The following ODAD4 variants were observed in gnomAD, a reference collection of about 807,000 sequenced individuals.
The protein encoded by ODAD4 is outer dynein arm-docking complex subunit 4.
A neutral mutation model predicts 51.8 loss-of-function variants in ODAD4; 49 were observed. The ratio of observed to expected loss-of-function variants is 0.95; its 90% CI spans 0.75 to 1.20. ODAD4 has a LOEUF of 1.20. ODAD4 is among the 50% of genes most tolerant of loss of function. The pLI is 0.00. For synonymous variants in ODAD4, 235 were observed against 221.3 expected (o/e 1.06, Z -0.55); for missense variants, 590 against 586.5 (o/e 1.01, Z -0.06).
intron 6 of ODAD4, 59 bp from the exon 7 acceptor site, chr17:41,938,906 T>C: frequency 6.3e-7 from 1 of 1,585,366 alleles, no homozygotes; most frequent in South Asian, 1.1e-5. Flanking sequence ...GAAGAGGAGT[T>C]ACCCTGTCAG....
chr17:41,955,382 T>C, intron 10 of ODAD4, 65 bp downstream of exon 10: 1 of 716,282 alleles, frequency 1.4e-6, no homozygotes, highest in South Asian at 1.5e-5. Flanking sequence ...GGCCTTCAGT[T>C]CCCCCTCAGC....
chr17:41,965,572 T>C lies in ODAD4; in HGVS notation c.*89T>C. 1.5e-6 allele frequency: 1 copy of C among 655,370 alleles called. No individual in the cohort carries two copies. Among genetic ancestry groups the C allele is most frequent in the Non-Finnish European group, 2.7e-6 (1 of 368,374 alleles). 40.6% of individuals were successfully genotyped at this position (655,370 alleles called of 1,614,324 possible). A position where few individuals can be genotyped will look rare whatever the true frequency, so the allele number is the denominator to read the frequency against. On this transcript the variant is annotated 3_prime_UTR_variant, in exon 12 of 12. Coordinates refer to ENST00000377540, the MANE Select transcript of ODAD4 (RefSeq NM_031421.5). Reference sequence around the variant, plus strand: ...CTGGATTTTCAAGCGATTTGTCTGTTATAGGAAAAATGAGGGTTTTACTTC... The same window carrying C: ...CTGGATTTTCAAGCGATTTGTCTGTCATAGGAAAAATGAGGGTTTTACTTC...
At position 41,965,653 on chromosome 17, in the gene ODAD4, CCT is replaced by C; in HGVS notation, c.*171_*172del. 1.7e-6 allele frequency: 1 copy of C among 580,808 alleles called. No individual in the cohort carries two copies. Among genetic ancestry groups the C allele is most frequent in the Non-Finnish European group, 3.0e-6 (1 of 330,000 alleles). 36.0% of individuals were successfully genotyped at this position (580,808 alleles called of 1,614,324 possible). On this transcript the variant is annotated 3_prime_UTR_variant, in exon 12 of 12. Coordinates refer to ENST00000377540, the MANE Select transcript of ODAD4 (RefSeq NM_031421.5). ...ATAGGTGTCTTTCACTCTTGCAAAC[CCT>C]GAGTCTGTCACTTTGCCTCTTCACC...
rs566732146 is a variant in ODAD4 at position 41,936,748 on chromosome 17, C to G, written c.460-14C>G. The stretch of plus-strand genomic sequence containing the variant: ...CTTGCTGAAGCTCTGTTGGGTGTTG[C>G]TCCATTTTCTCAGAATATAAAAGCC... On this transcript the variant is annotated splice_polypyrimidine_tract_variant and intron_variant, in intron 4 of 11. Transcript: ENST00000377540. 1.2e-6 allele frequency: 2 copies of G among 1,613,628 alleles called. No homozygotes were observed. The highest frequency in any genetic ancestry group is 8.5e-7 in the Non-Finnish European group (1 of 1,179,682).
chr17:41,941,480 C>T (rs782106689), intron 7 of ODAD4, among the ~76,000 whole-genome samples: 1 of 152,136 alleles, frequency 6.6e-6, no homozygotes, highest in African/African-American at 2.4e-5. Context: ...AAGCCTGCCT[C>T]CTAGCCTGAG....
chr17:41,939,970 C>T (rs1166762109), intron 7 of ODAD4, among the ~76,000 whole-genome samples: 1 of 152,184 alleles, frequency 6.6e-6, no homozygotes, highest in Non-Finnish European at 1.5e-5. Context: ...AGTACCTGTG[C>T]AGACCTTAGG....
At chr17:41,934,509 G>A (rs1259835559) in intron 1 of ODAD4, among the ~76,000 whole-genome samples, 2 of 151,224 alleles carry the variant, frequency 1.3e-5, no homozygotes, top group Non-Finnish European at 2.9e-5. Context: ...GGACCACCAC[G>A]CCCAGCTAAT....
chr17:41,939,408 A>G (rs951314701), intron 7 of ODAD4, among the ~76,000 whole-genome samples: 2 of 152,212 alleles, frequency 1.3e-5, no homozygotes, highest in Admixed American at 6.5e-5. Flanking sequence ...AAGCTACCCA[A>G]TGATCTGGCT....
chr17:41,961,953 C>T (rs1298552916), intron 11 of ODAD4, among the ~76,000 whole-genome samples: 1 of 152,170 alleles, frequency 6.6e-6, no homozygotes, highest in Admixed American at 6.5e-5. Context: ...GAGGAAAAAT[C>T]TTCTACCTCC....
intron 10 of ODAD4, among the ~76,000 whole-genome samples, chr17:41,956,227 T>G (rs539338962): frequency 7.2e-5 from 11 of 151,914 alleles, no homozygotes; most frequent in Admixed American, 2.6e-4. Context: ...TTTTGTATTT[T>G]TAGTAGAGAT....
intron 10 of ODAD4, among the ~76,000 whole-genome samples, chr17:41,956,037 C>T (rs1460991154): frequency 6.7e-6 from 1 of 148,476 alleles, no homozygotes; most frequent in African/African-American, 2.5e-5. Context: ...CACGTGTAAA[C>T]TGTACTTAGC....
Position 41,949,358 on chromosome 17 carries a change from T to A in ODAD4, c.1342+9T>A. On this transcript the variant is annotated intron_variant, in intron 9 of 11. Coordinates refer to ENST00000377540, the MANE Select transcript of ODAD4 (RefSeq NM_031421.5). ...GGTGGCCCAGGCACAAGGTATGGGC[T>A]CAGAGATGACCACCCTACCTTTTCC... The A allele has an allele frequency of 2.5e-6, 1 of 398,722 alleles. No individual in the cohort carries two copies. Among genetic ancestry groups the A allele is most frequent in the South Asian group, 1.3e-4 (1 of 7,856 alleles). 24.7% of individuals were successfully genotyped at this position (398,722 alleles called of 1,614,324 possible). A position where few individuals can be genotyped will look rare whatever the true frequency, so the allele number is the denominator to read the frequency against.
chr17:41,944,268 G>A (rs369229357), intron 7 of ODAD4, among the ~76,000 whole-genome samples: 1 of 152,072 alleles, frequency 6.6e-6, no homozygotes, highest in African/African-American at 2.4e-5. Flanking sequence ...AGTGGCTGAG[G>A]CATGAGAGTC....
chr17:41,934,837 T>A (rs1208375907), intron 1 of ODAD4, among the ~76,000 whole-genome samples: 2 of 152,090 alleles, frequency 1.3e-5, no homozygotes, highest in Non-Finnish European at 2.9e-5. Flanking sequence ...TGTAGTTGAG[T>A]TTGGTGTGCA....
chr17:41,936,704 G>A (rs1041125903), intron 4 of ODAD4, 58 bp from the exon 5 acceptor site: 26 of 1,599,682 alleles, frequency 1.6e-5, no homozygotes, highest in East Asian at 4.5e-5. Flanking sequence ...CTAGGGCCAT[G>A]GCTGGGTACA....
At chr17:41,953,069 A>G (rs1317205132) in intron 9 of ODAD4, among the ~76,000 whole-genome samples, 1 of 151,630 alleles carries the variant, frequency 6.6e-6, no homozygotes, top group African/African-American at 2.4e-5. Flanking sequence ...ATTTTATTTT[A>G]TTTATTTTTG....
intron 10 of ODAD4, 25 bp from the exon 11 acceptor site, chr17:41,961,357 G>T: frequency 1.4e-6 from 1 of 730,258 alleles, no homozygotes; most frequent in Non-Finnish European, 2.6e-6. Context: ...AAACACAGGG[G>T]CTAAGCTCCC....
rs782698479 is a variant in ODAD4 at position 41,930,822 on chromosome 17, G to A, written c.99G>A (p.Ala33=). Residue 33 remains alanine, a synonymous_variant, in exon 1 of 12, where the codon GCG becomes GCA. Transcript: ENST00000377540. ...TGTGCGGGGAATTTTCTAAAGCCGC[G>A]CAGAGCTTCAGCAACGTGAGTCGAG... ...LYLCGEFSKA[A]QSFSNALYLQ... is the part of the protein sequence containing the mutation. 2.5e-6 allele frequency: 4 copies of A among 1,577,766 alleles called. No homozygotes were observed. Among genetic ancestry groups the A allele is most frequent in the Middle Eastern group, 1.7e-4 (1 of 5,840 alleles).
chr17:41,935,621 C>T lies in ODAD4; in HGVS notation c.269C>T (p.Thr90Ile), dbSNP rs782074870. Residue 90 changes from threonine to isoleucine, a missense_variant, in exon 3 of 12, where the codon ACA (threonine) becomes ATA (isoleucine). Thr to Ile is a moderately conservative substitution (Grantham distance 89). Transcript: ENST00000377540. ...CAGGGGATTTTGCAAAAGGCTGAGA[C>T]ACTGTACACCATGGGAGACTTTGAG... ...FCKGILQKAETLYTMGDFEFA... is the reference protein window; with the variant it reads ...FCKGILQKAEILYTMGDFEFA... 1 of 1,612,938 alleles carries T rather than the reference C, an allele frequency of 6.2e-7. No homozygotes were observed. The highest frequency in any genetic ancestry group is 8.5e-7 in the Non-Finnish European group (1 of 1,179,410).
Sources: allele counts gnomAD v4.1 joint callset (sites outside exome capture counted in the v4.1 genomes callset), GRCh38; gene constraint gnomAD v4.1.1; transcripts MANE v1.5; gene names NCBI Gene and HGNC (gene_info 2026-07-23, HGNC 2026-07-21).